RGS10: variants seen among roughly 807,000 people sequenced by gnomAD.
The protein encoded by RGS10 is regulator of G protein signaling 10.
RGS10 carries 11 observed loss-of-function variants against 23.5 expected under a neutral mutation model. The observed-to-expected ratio is 0.47, with a 90% confidence interval of 0.29 to 0.77. RGS10 has a LOEUF of 0.77. Ranked by LOEUF, RGS10 falls within the 30% of genes least tolerant of loss-of-function variation. The pLI is 0.08. For missense variants in RGS10, 180 were observed against 226.3 expected (o/e 0.80, Z 1.31); for synonymous variants, 77 against 83.2 (o/e 0.92, Z 0.41).
chr10:119,535,836 C>T (rs967964004), intron 1 of RGS10, among the ~76,000 whole-genome samples: 49 of 152,178 alleles, frequency 3.2e-4, no homozygotes, highest in Admixed American at 1.3e-3. Flanking sequence ...CATGCACAGG[C>T]GTGCACACAC....
chr10:119,510,159 G>A (rs1219983355), intron 4 of RGS10, among the ~76,000 whole-genome samples: 2 of 152,258 alleles, frequency 1.3e-5, no homozygotes, highest in Middle Eastern at 6.8e-3. Flanking sequence ...GGCTCAGGCT[G>A]TAAGAGGTCC....
chr10:119,502,242 G>A (rs1843960644), intron 4 of RGS10, among the ~76,000 whole-genome samples: 1 of 152,154 alleles, frequency 6.6e-6, no homozygotes, highest in Non-Finnish European at 1.5e-5. Context: ...CCACCGACGT[G>A]CTAAGCAAGC....
intron 3 of RGS10, among the ~76,000 whole-genome samples, chr10:119,518,940 A>G (rs1285161699): frequency 1.3e-5 from 2 of 152,166 alleles, no homozygotes; most frequent in African/African-American, 4.8e-5. Flanking sequence ...TCCCAGCCTC[A>G]AGTGATCCAC....
At chr10:119,541,390 A>G (rs1227552077) in intron 1 of RGS10, among the ~76,000 whole-genome samples, 1 of 152,204 alleles carries the variant, frequency 6.6e-6, no homozygotes, top group African/African-American at 2.4e-5. Flanking sequence ...GAAATCCTAC[A>G]TATTAAATAC....
At chr10:119,523,576 GA>G (rs1242586544) in intron 3 of RGS10, among the ~76,000 whole-genome samples, 22 of 152,088 alleles carry the variant, frequency 1.4e-4, no homozygotes, top group African/African-American at 4.1e-4. Context: ...GAGGCAGGAG[GA>G]TCACCTGAAC....
chr10:119,532,208 TC>T (rs1461947478), intron 1 of RGS10, among the ~76,000 whole-genome samples: 1 of 152,194 alleles, frequency 6.6e-6, no homozygotes, highest in Non-Finnish European at 1.5e-5. Context: ...CCTTTTCAAA[TC>T]CATCTTGACT....
chr10:119,533,436 A>C (rs983456193), intron 1 of RGS10, among the ~76,000 whole-genome samples: 4 of 152,244 alleles, frequency 2.6e-5, no homozygotes, highest in Non-Finnish European at 4.4e-5. Context: ...TACATACATA[A>C]ATAAATGTTA....
intron 4 of RGS10, among the ~76,000 whole-genome samples, chr10:119,501,450 C>T (rs137935044): frequency 0.017 from 2,560 of 152,204 alleles, 57 homozygotes; most frequent in African/African-American, 0.059. Flanking sequence ...GTGCTGGGGG[C>T]GGTGGCTCAC....
chr10:119,526,712 C>T (rs556857612), intron 2 of RGS10, among the ~76,000 whole-genome samples: 3 of 152,300 alleles, frequency 2.0e-5, no homozygotes, highest in South Asian at 2.1e-4. Flanking sequence ...CTCCAACAGG[C>T]ACCAACTGCA....
chr10:119,518,115 G>A (rs1345486378), intron 3 of RGS10, among the ~76,000 whole-genome samples: 11 of 152,242 alleles, frequency 7.2e-5, no homozygotes, highest in Non-Finnish European at 1.5e-4. Flanking sequence ...TTTTTCCAGA[G>A]CTTTGTTAAC....
At chr10:119,534,462 G>A (rs1844364719) in intron 1 of RGS10, among the ~76,000 whole-genome samples, 2 of 149,008 alleles carry the variant, frequency 1.3e-5, no homozygotes. Context: ...ATGGTAGCAC[G>A]TGCCTATAGT....
At chr10:119,525,778 A>G (rs1380573292) in intron 3 of RGS10, among the ~76,000 whole-genome samples, 1 of 152,240 alleles carries the variant, frequency 6.6e-6, no homozygotes, top group East Asian at 1.9e-4. Context: ...ATTCTATGCA[A>G]TGAGGAACTC....
chr10:119,510,927 C>T (rs1844070006), intron 4 of RGS10, among the ~76,000 whole-genome samples: 1 of 152,086 alleles, frequency 6.6e-6, no homozygotes, highest in African/African-American at 2.4e-5. Context: ...ACCGTGTTAG[C>T]TAGGATGGTC....
At position 119,521,193 on chromosome 10, in the gene RGS10, C is replaced by T. The variant is rs1048891115; in HGVS notation, c.255+4839G>A. Among the ~76,000 whole-genome samples the T allele has an allele frequency of 4.0e-5, 6 of 151,880 alleles. No homozygotes were observed. The South Asian group carries it at 8.3e-4, about 21-fold the overall frequency. ...AAGCAACATGGTGAGACTGCTTAAA[C>T]CCAGGAGGTCCAGGCTGCAAAGAGC... On this transcript the variant is annotated intron_variant, in intron 3 of 4. Transcript: ENST00000369103.
At chr10:119,512,447 A>G (rs1485867390) in intron 4 of RGS10, among the ~76,000 whole-genome samples, 2 of 152,178 alleles carry the variant, frequency 1.3e-5, no homozygotes, top group Admixed American at 6.5e-5. Context: ...GGCCCTTCAC[A>G]TGGAGACTCA....
chr10:119,520,908 C>G (rs1844205286), intron 3 of RGS10, among the ~76,000 whole-genome samples: 1 of 151,384 alleles, frequency 6.6e-6, no homozygotes, highest in Non-Finnish European at 1.5e-5. Context: ...AGACCAGAGA[C>G]AATGGAAGGA....
Position 119,538,846 on chromosome 10 carries a change from T to C in RGS10, c.49+3744A>G, listed in dbSNP as rs139556525. Among the ~76,000 whole-genome samples, 47 of 152,186 alleles carry C rather than the reference T, an allele frequency of 3.1e-4. 1 individual carries two copies. The East Asian group carries it at 9.1e-3, about 29-fold the overall frequency. ...ACTATCTGGGGGAAGCAGAAGAAAC[T>C]TGGGGGCATAAATTTAGTGCAGTTT... On this transcript the variant is annotated intron_variant, in intron 1 of 4. Transcript: ENST00000369103. The surrounding 1 kb of genome is among the most constrained non-coding windows in gnomAD (Gnocchi z 4.5).
intron 4 of RGS10, among the ~76,000 whole-genome samples, chr10:119,508,422 T>C (rs190758702): frequency 1.2e-3 from 179 of 152,314 alleles, no homozygotes; most frequent in African/African-American, 4.0e-3. Context: ...GAAGCTGCCA[T>C]GTGCAATGAT....
chr10:119,527,607 C>T lies in RGS10; in HGVS notation c.50-183G>A. On this transcript the variant is annotated intron_variant, in intron 1 of 4. Transcript: ENST00000369103. The surrounding 1 kb of genome is among the most constrained non-coding windows in gnomAD (Gnocchi z 4.2). ...TTGTCACACAACCCTGTAAGGCAGG[C>T]ACTACTATTTCCTCCATTTTACAGA... The T allele has an allele frequency of 1.7e-6, 1 of 584,376 alleles. No individual in the cohort carries two copies. The highest frequency in any genetic ancestry group is 3.1e-6 in the Non-Finnish European group (1 of 326,696). 36.2% of individuals were successfully genotyped at this position (584,376 alleles called of 1,614,324 possible). A position where few individuals can be genotyped will look rare whatever the true frequency, so the allele number is the denominator to read the frequency against.
Sources: allele counts gnomAD v4.1 joint callset (sites outside exome capture counted in the v4.1 genomes callset), GRCh38; gene constraint gnomAD v4.1.1; non-coding constraint Gnocchi (gnomAD v3.1); transcripts MANE v1.5; gene names NCBI Gene and HGNC (gene_info 2026-07-23, HGNC 2026-07-21).